The following PHACTR1 variants were observed in gnomAD, a reference collection of about 807,000 sequenced individuals.
PHACTR1 encodes phosphatase and actin regulator 1.
A neutral mutation model predicts 69.2 loss-of-function variants in PHACTR1; 16 were observed. That is an observed-to-expected ratio of 0.23 (90% CI 0.16 to 0.35). The LOEUF (loss-of-function observed/expected upper bound fraction) is 0.35, where lower values mean the gene tolerates loss of function less well. Among genes scored for constraint, PHACTR1 ranks in the 10% least tolerant of loss-of-function variants. The probability of loss-of-function intolerance (pLI) is 1.00; values close to 1 mark genes in which losing one functional copy is unlikely to be tolerated. For synonymous variants in PHACTR1, 312 were observed against 284.5 expected (o/e 1.10, Z -0.97); for missense variants, 510 against 734.7 (o/e 0.69, Z 3.54).
At chr6:12,753,609 A>T (rs952800312) in intron 4 of PHACTR1, among the ~76,000 whole-genome samples, 1 of 152,156 alleles carries the variant, frequency 6.6e-6, no homozygotes, top group African/African-American at 2.4e-5. Flanking sequence ...GAGAATTTAA[A>T]TTAACAGTAT....
intron 7 of PHACTR1, among the ~76,000 whole-genome samples, chr6:13,201,760 A>G (rs1561985667): frequency 6.6e-6 from 1 of 152,174 alleles, no homozygotes; most frequent in Non-Finnish European, 1.5e-5. Flanking sequence ...GTTATGGGGA[A>G]TGACTTGGTG....
chr6:12,718,718 C>G lies in PHACTR1; in HGVS notation c.-27C>G, dbSNP rs751026504. 9 of 1,349,954 alleles carry G rather than the reference C, an allele frequency of 6.7e-6. No individual in the cohort carries two copies. The African/African-American group carries it at 8.8e-5, about 13-fold the overall frequency. The allele number at this position is 1,349,954 out of a possible 1,614,324, so 83.6% of individuals were successfully genotyped here. A position where few individuals can be genotyped will look rare whatever the true frequency, so the allele number is the denominator to read the frequency against. Reference sequence around the variant, plus strand: ...TTATAGGTGTTCCAGTGTTTTCTCTCAAAACTCTGTGTTTGGAACATCAAG... The same window carrying G: ...TTATAGGTGTTCCAGTGTTTTCTCTGAAAACTCTGTGTTTGGAACATCAAG... On this transcript the variant is annotated 5_prime_UTR_variant, in exon 3 of 15. Transcript: ENST00000332995.
At chr6:12,862,646 AG>A (rs1234707623) in intron 4 of PHACTR1, among the ~76,000 whole-genome samples, 5 of 152,170 alleles carry the variant, frequency 3.3e-5, no homozygotes, top group Non-Finnish European at 7.3e-5. Flanking sequence ...CATACACCAC[AG>A]GGATCATGAT....
intron 5 of PHACTR1, among the ~76,000 whole-genome samples, chr6:13,140,668 A>C (rs547329841): frequency 6.6e-6 from 1 of 152,334 alleles, no homozygotes; most frequent in Non-Finnish European, 1.5e-5. Context: ...TGGTGAATAC[A>C]AAGTTTTCGT....
chr6:12,933,133 G>A (rs2127531080), intron 4 of PHACTR1, among the ~76,000 whole-genome samples: 1 of 151,828 alleles, frequency 6.6e-6, no homozygotes, highest in Non-Finnish European at 1.5e-5. Context: ...ATGTGGTTTA[G>A]CCATGTTGGC....
intron 4 of PHACTR1, among the ~76,000 whole-genome samples, chr6:12,932,777 C>T (rs1203877884): frequency 6.6e-6 from 1 of 152,024 alleles, no homozygotes; most frequent in Non-Finnish European, 1.5e-5. Flanking sequence ...GCTACTTTAC[C>T]CCATTTTATA....
At chr6:12,967,982 C>G (rs1044312767) in intron 4 of PHACTR1, among the ~76,000 whole-genome samples, 1 of 152,210 alleles carries the variant, frequency 6.6e-6, no homozygotes, top group Non-Finnish European at 1.5e-5. Context: ...ATTTGGTTGT[C>G]GGGGCAGAAG....
intron 4 of PHACTR1, among the ~76,000 whole-genome samples, chr6:12,903,043 G>A (rs1785363350): frequency 6.6e-6 from 1 of 152,128 alleles, no homozygotes; most frequent in Non-Finnish European, 1.5e-5. Context: ...AGAAGCAAAC[G>A]TCTTCATGAG....
At chr6:13,153,705 G>A (rs2113474517) in intron 5 of PHACTR1, among the ~76,000 whole-genome samples, 1 of 152,288 alleles carries the variant, frequency 6.6e-6, no homozygotes, top group South Asian at 2.1e-4. Flanking sequence ...TCAGGGAGTT[G>A]CCTTGGCCAC....
At chr6:12,899,958 C>G (rs1378052465) in intron 4 of PHACTR1, among the ~76,000 whole-genome samples, 1 of 152,196 alleles carries the variant, frequency 6.6e-6, no homozygotes, top group African/African-American at 2.4e-5. Flanking sequence ...CCCCCTTACA[C>G]CACCAGTGGC....
intron 4 of PHACTR1, among the ~76,000 whole-genome samples, chr6:12,826,958 C>A (rs748164166): frequency 3.9e-5 from 6 of 152,168 alleles, no homozygotes; most frequent in Non-Finnish European, 5.9e-5. Context: ...TCCTAATAAC[C>A]ACCCAAATTT....
intron 4 of PHACTR1, among the ~76,000 whole-genome samples, chr6:12,802,744 T>C (rs999642571): frequency 6.6e-6 from 1 of 152,218 alleles, no homozygotes; most frequent in South Asian, 2.1e-4. Flanking sequence ...TATAAAATTT[T>C]AAGCTTAACT....
intron 4 of PHACTR1, among the ~76,000 whole-genome samples, chr6:12,938,583 C>T (rs886997583): frequency 1.3e-5 from 2 of 152,126 alleles, no homozygotes; most frequent in Non-Finnish European, 2.9e-5. Flanking sequence ...ATATAATAAA[C>T]TTCACATATT....
chr6:13,100,816 G>A (rs1250837464), intron 5 of PHACTR1, among the ~76,000 whole-genome samples: 2 of 152,288 alleles, frequency 1.3e-5, no homozygotes, highest in East Asian at 1.9e-4. Context: ...ACTTAAGGAG[G>A]CTAACATAAT....
intron 3 of PHACTR1, among the ~76,000 whole-genome samples, chr6:12,741,845 T>C (rs1765091031): frequency 6.6e-6 from 1 of 152,116 alleles, no homozygotes; most frequent in Non-Finnish European, 1.5e-5. Flanking sequence ...ACAAGATTGA[T>C]GCCTTGATAA....
At chr6:12,864,166 G>A (rs1781212935) in intron 4 of PHACTR1, among the ~76,000 whole-genome samples, 1 of 152,162 alleles carries the variant, frequency 6.6e-6, no homozygotes, top group Non-Finnish European at 1.5e-5. Flanking sequence ...ATAAGGAAGC[G>A]AGGATGTGGG....
intron 5 of PHACTR1, among the ~76,000 whole-genome samples, chr6:13,111,987 T>A (rs1181947609): frequency 6.6e-6 from 1 of 152,162 alleles, no homozygotes; most frequent in African/African-American, 2.4e-5. Flanking sequence ...GTATTAAGCC[T>A]AGTACCTGTT....
chr6:12,736,168 CT>C (rs1764231077), intron 3 of PHACTR1, among the ~76,000 whole-genome samples: 1 of 152,118 alleles, frequency 6.6e-6, no homozygotes, highest in South Asian at 2.1e-4. Context: ...GTCCAAAAAA[CT>C]TTTTGGTATA....
At position 13,229,951 on chromosome 6, in the gene PHACTR1, G is replaced by C. The variant is rs926513623; in HGVS notation, c.1235-86G>C. 1.5e-5 allele frequency: 21 copies of C among 1,424,212 alleles called. No homozygotes were observed. In the African/African-American group the frequency reaches 2.9e-4, roughly 20 times the overall value. The allele number at this position is 1,424,212 out of a possible 1,614,324, so 88.2% of individuals were successfully genotyped here. A position where few individuals can be genotyped will look rare whatever the true frequency, so the allele number is the denominator to read the frequency against. ...TTAAAACCTTGATGACTTCCTTCCT[G>C]CCTTGTATCTTATGACCCAGGGTTG... On this transcript the variant is annotated intron_variant, in intron 9 of 14. Transcript: ENST00000332995.
Sources: allele counts gnomAD v4.1 joint callset (sites outside exome capture counted in the v4.1 genomes callset), GRCh38; gene constraint gnomAD v4.1.1; transcripts MANE v1.5; gene names NCBI Gene and HGNC (gene_info 2026-07-23, HGNC 2026-07-21).